The following WDR41 variants were observed in gnomAD, a reference collection of about 807,000 sequenced individuals.
The protein encoded by WDR41 is WD repeat-containing protein 41.
In WDR41, 63 loss-of-function variants were observed where a neutral mutation model predicts 69.3. That is an observed-to-expected ratio of 0.91 (90% CI 0.74 to 1.12). The LOEUF (loss-of-function observed/expected upper bound fraction) is 1.12. Among genes scored for constraint, WDR41 ranks in the 50% most tolerant of loss-of-function variants. The pLI is 0.00. For missense variants in WDR41, 543 were observed against 534.5 expected (o/e 1.02, Z -0.16); for synonymous variants, 185 against 192.1 (o/e 0.96, Z 0.31).
chr5:77,567,962 A>G (rs966339661), intron 1 of WDR41, among the ~76,000 whole-genome samples: 2 of 151,962 alleles, frequency 1.3e-5, no homozygotes, highest in African/African-American at 4.8e-5. Flanking sequence ...AGAGTTGGAT[A>G]TCCCTGCCAT....
At position 77,438,451 on chromosome 5, in the gene WDR41, C is replaced by T. The variant is rs80317340; in HGVS notation, c.883-90G>A. The T allele has an allele frequency of 2.0e-6, 3 of 1,522,176 alleles. No individual in the cohort carries two copies. The South Asian group carries it at 3.8e-5, about 19-fold the overall frequency. 94.3% of individuals were successfully genotyped at this position (1,522,176 alleles called of 1,614,324 possible). A position where few individuals can be genotyped will look rare whatever the true frequency, so the allele number is the denominator to read the frequency against. ...CCAGCCCTCATGTGACATCAGAAAGCCACCATTACCTTTCCCATTCCTAGC... is the reference window on the plus strand; with the variant it reads ...CCAGCCCTCATGTGACATCAGAAAGTCACCATTACCTTTCCCATTCCTAGC... On this transcript the variant is annotated intron_variant, in intron 9 of 12. Transcript: ENST00000296679.
Position 77,596,101 on chromosome 5 carries a change from C to T in WDR41, c.42+24378G>A, listed in dbSNP as rs139977040. On this transcript the variant is annotated intron_variant, in intron 1 of 5. Transcript: ENST00000509971. ...TCCATTTTACCACTGTAAGACCATC[C>T]TTAATTTTGCCTGTCTTTACAATAA... Among the ~76,000 whole-genome samples, 488 of 152,256 alleles carry T rather than the reference C, an allele frequency of 3.2e-3. 5 individuals carry two copies. The highest frequency in any genetic ancestry group is 3.2e-3 in the Non-Finnish European group (220 of 68,026).
At chr5:77,603,793 G>C (rs1042926019) in intron 1 of WDR41, among the ~76,000 whole-genome samples, 2 of 152,134 alleles carry the variant, frequency 1.3e-5, no homozygotes, top group African/African-American at 4.8e-5. Context: ...TCTGCATGTG[G>C]ATATCCAGTT....
At chr5:77,491,964 G>A (rs1410475456) in intron 1 of WDR41, 1 of 581,904 alleles carries the variant, frequency 1.7e-6, no homozygotes, top group Non-Finnish European at 2.9e-6. Context: ...GCTCCAGGGT[G>A]CGCCTGGGGT....
chr5:77,527,687 G>C (rs1802469135), intron 1 of WDR41, among the ~76,000 whole-genome samples: 1 of 151,872 alleles, frequency 6.6e-6, no homozygotes. Context: ...AATTGAGCAT[G>C]TGTTGCAAAG....
intron 1 of WDR41, among the ~76,000 whole-genome samples, chr5:77,620,038 A>G (rs1299313950): frequency 1.3e-5 from 2 of 152,174 alleles, no homozygotes; most frequent in Non-Finnish European, 2.9e-5. Flanking sequence ...TATGCTATAT[A>G]TATAATATAC....
chr5:77,554,698 T>C (rs1743359834), intron 1 of WDR41, among the ~76,000 whole-genome samples: 1 of 151,884 alleles, frequency 6.6e-6, no homozygotes, highest in South Asian at 2.1e-4. Flanking sequence ...AGTATTTTGT[T>C]ATAGCAACAC....
chr5:77,501,320 G>A (rs1452977912), intron 1 of WDR41, among the ~76,000 whole-genome samples: 1 of 152,242 alleles, frequency 6.6e-6, no homozygotes, highest in Non-Finnish European at 1.5e-5. Context: ...GCCTGGCTTG[G>A]AGAGGAGCAT....
chr5:77,465,928 T>G (rs1800286294), intron 2 of WDR41, among the ~76,000 whole-genome samples: 1 of 151,986 alleles, frequency 6.6e-6, no homozygotes, highest in Non-Finnish European at 1.5e-5. Context: ...ATGTTCAAAT[T>G]TCTTATCTTC....
At chr5:77,520,159 A>C (rs1176484508) in intron 1 of WDR41, among the ~76,000 whole-genome samples, 1 of 151,978 alleles carries the variant, frequency 6.6e-6, no homozygotes, top group East Asian at 1.9e-4. Context: ...AGGCCCATTT[A>C]GAATGGATTG....
At chr5:77,598,639 G>C (rs1409669014) in intron 1 of WDR41, among the ~76,000 whole-genome samples, 2 of 140,536 alleles carry the variant, frequency 1.4e-5, no homozygotes, top group Non-Finnish European at 3.0e-5. Flanking sequence ...GAATCAGTAA[G>C]TTTCCTTTTT....
chr5:77,506,107 A>G (rs1430448340), intron 1 of WDR41, among the ~76,000 whole-genome samples: 2 of 152,224 alleles, frequency 1.3e-5, no homozygotes, highest in Non-Finnish European at 2.9e-5. Flanking sequence ...GGCAACCTAC[A>G]GAATGCGAGA....
chr5:77,565,846 A>C (rs922155610), intron 1 of WDR41, among the ~76,000 whole-genome samples: 1 of 152,174 alleles, frequency 6.6e-6, no homozygotes, highest in Non-Finnish European at 1.5e-5. Context: ...AAATGTCATG[A>C]AAAGAAGAAC....
chr5:77,578,819 G>A (rs1459290892), intron 1 of WDR41, among the ~76,000 whole-genome samples: 4 of 132,488 alleles, frequency 3.0e-5, no homozygotes, highest in South Asian at 2.4e-4. Context: ...AGCCAAGATC[G>A]CACCACTGCA....
intron 2 of WDR41, among the ~76,000 whole-genome samples, chr5:77,475,336 G>C (rs894196778): frequency 6.6e-6 from 1 of 152,232 alleles, no homozygotes; most frequent in Non-Finnish European, 1.5e-5. Flanking sequence ...AGGCCTGCCT[G>C]CCTGCCTCTG....
At chr5:77,537,602 G>A (rs1411485612) in intron 1 of WDR41, among the ~76,000 whole-genome samples, 1 of 152,120 alleles carries the variant, frequency 6.6e-6, no homozygotes, top group African/African-American at 2.4e-5. Context: ...TGTTGTGTGA[G>A]AGTTTGATAA....
intron 1 of WDR41, among the ~76,000 whole-genome samples, chr5:77,564,521 C>T (rs1242563801): frequency 6.6e-6 from 1 of 152,132 alleles, no homozygotes; most frequent in Admixed American, 6.6e-5. Context: ...CTTTCAAAAG[C>T]CTCTAGTTCA....
intron 1 of WDR41, among the ~76,000 whole-genome samples, chr5:77,576,639 T>A (rs74482841): frequency 0.028 from 4,294 of 152,258 alleles, 179 homozygotes; most frequent in African/African-American, 0.094. Flanking sequence ...TTTTTCTCTT[T>A]AAGAATTAGC....
chr5:77,503,761 T>G (rs913464971), intron 1 of WDR41, among the ~76,000 whole-genome samples: 6 of 152,178 alleles, frequency 3.9e-5, no homozygotes, highest in African/African-American at 1.4e-4. Flanking sequence ...CTGAACAACC[T>G]GGTCCTGAAT....
Sources: gnomAD v4.1 joint callset for allele counts (sites outside exome capture counted in the v4.1 genomes callset) on GRCh38, gnomAD v4.1.1 for gene constraint, MANE v1.5 for transcripts, NCBI Gene and HGNC (gene_info 2026-07-23, HGNC 2026-07-21) for gene names.